The following PGAM5 variants were observed in gnomAD, a reference collection of about 807,000 sequenced individuals.
PGAM5 encodes serine/threonine-protein phosphatase PGAM5, mitochondrial.
Under a neutral mutation model 30.6 loss-of-function variants are expected in PGAM5, and 25 were observed. That is an observed-to-expected ratio of 0.82 (90% CI 0.60 to 1.14). The LOEUF is 1.14. Ranked by LOEUF, PGAM5 falls within the 50% of genes most tolerant of loss-of-function variation. The pLI, the probability that PGAM5 is intolerant of heterozygous loss-of-function variation, is 0.00. For missense variants in PGAM5, 384 were observed against 408.5 expected (o/e 0.94, Z 0.52); for synonymous variants, 201 against 179.1 (o/e 1.12, Z -0.98).
chr12:132,719,838 G>A (rs546672563), intron 5 of PGAM5, among the ~76,000 whole-genome samples: 3 of 152,252 alleles, frequency 2.0e-5, no homozygotes, highest in Non-Finnish European at 2.9e-5. Context: ...AGGCAACTCC[G>A]AGCTTTTCCG....
At position 132,720,736 on chromosome 12, in the gene PGAM5, A is replaced by C. The variant is rs1593123249; in HGVS notation, c.778A>C (p.Thr260Pro). 6.5e-7 allele frequency: 1 copy of C among 1,535,920 alleles called. No homozygotes were observed. The highest frequency in any genetic ancestry group is 1.2e-5 in the South Asian group (1 of 84,034). ...GCTCTCCCTCAATAATGGCAGCATC[A>C]CCCACCTGGTGATCCGACCCAACGG... ...LRLSLNNGSITHLVIRPNGRV... is the reference protein window; with the variant it reads ...LRLSLNNGSIPHLVIRPNGRV... Residue 260 changes from threonine to proline, a missense_variant, in exon 6 of 6, where the codon ACC becomes CCC. Thr to Pro is a conservative substitution (Grantham distance 38). Coordinates refer to ENST00000498926, the MANE Select transcript of PGAM5 (RefSeq NM_001170543.2).
At chr12:132,718,782 C>T in intron 5 of PGAM5, 1 of 1,613,612 alleles carries the variant, frequency 6.2e-7, no homozygotes, top group African/African-American at 1.3e-5. Flanking sequence ...CTGTTGTCCG[C>T]TGGGGATTTT....
chr12:132,715,174 C>A (rs1486792079), intron 2 of PGAM5, 138 bp downstream of exon 2: 3 of 821,244 alleles, frequency 3.7e-6, no homozygotes, highest in Non-Finnish European at 5.6e-6. Flanking sequence ...GTGCTTGGGG[C>A]ACTGGGCCTC....
chr12:132,720,326 T>C (rs74431281), intron 5 of PGAM5, among the ~76,000 whole-genome samples: 1 of 146,768 alleles, frequency 6.8e-6, no homozygotes, highest in Non-Finnish European at 1.5e-5. Flanking sequence ...TTTTTTTTTT[T>C]AGACAGAATC....
At chr12:132,714,302 C>A (rs2043551062) in intron 1 of PGAM5, among the ~76,000 whole-genome samples, 2 of 152,214 alleles carry the variant, frequency 1.3e-5, no homozygotes, top group Non-Finnish European at 1.5e-5. Context: ...CACGTGTGAG[C>A]CACTGCACCC....
chr12:132,713,937 G>A (rs2043547752), intron 1 of PGAM5, among the ~76,000 whole-genome samples: 2 of 152,158 alleles, frequency 1.3e-5, no homozygotes, highest in Non-Finnish European at 2.9e-5. Flanking sequence ...CCAAAGTGCT[G>A]GGATCCACTC....
In PGAM5 at chr12:132,714,905, C is replaced by G. The variant is rs2043557721; in HGVS notation, c.239C>G (p.Ser80Cys). ...LINVRKRNVE[S>C]GEEELASKLD... ...AACGTGCGGAAGAGGAACGTGGAATCTGGGGAAGAAGAGCTGGCGTCCAAG... is the reference window on the plus strand; with the variant it reads ...AACGTGCGGAAGAGGAACGTGGAATGTGGGGAAGAAGAGCTGGCGTCCAAG... Residue 80 changes from serine (S) to cysteine (C), a missense_variant, in exon 2 of 6, where the codon TCT becomes TGT. Physicochemically the swap from Ser to Cys is moderately radical, Grantham distance 112. Transcript: ENST00000498926. The G allele has an allele frequency of 1.2e-6, 2 of 1,613,634 alleles. No homozygotes were observed. The highest frequency in any genetic ancestry group is 2.7e-5 in the African/African-American group (2 of 74,926).
intron 5 of PGAM5, among the ~76,000 whole-genome samples, chr12:132,720,313 G>GT (rs758552620): frequency 0.099 from 13,675 of 138,768 alleles, 943 homozygotes; most frequent in African/African-American, 0.19. Context: ...AGCCCAGCCC[G>GT]TTTTTTTTTT....
At chr12:132,716,158 C>T (rs1403887657) in intron 2 of PGAM5, among the ~76,000 whole-genome samples, 1 of 151,834 alleles carries the variant, frequency 6.6e-6, no homozygotes, top group Non-Finnish European at 1.5e-5. Context: ...TGATCTTGGC[C>T]CGCTGCAACC....
At chr12:132,711,680 G>A (rs2043524173) in intron 1 of PGAM5, 1 of 152,030 alleles carries the variant, frequency 6.6e-6, no homozygotes, top group African/African-American at 2.4e-5. Context: ...CAGCTACTCG[G>A]GAGGCTGAGG....
In PGAM5 at chr12:132,720,851, C is replaced by T; in HGVS notation, c.*23C>T. On this transcript the variant is annotated 3_prime_UTR_variant, in exon 6 of 6. Transcript: ENST00000498926. ...TGAGGGCTCCGGCCTCTCCTTCCCT[C>T]TGTCCTCCCTGCACAGGCCGCACAC... is the stretch of plus-strand genomic sequence containing the variant. 7 of 1,533,856 alleles carry T rather than the reference C, an allele frequency of 4.6e-6. No homozygotes were observed. The highest frequency in any genetic ancestry group is 2.4e-5 in the South Asian group (2 of 83,792).
At chr12:132,711,159 C>A in intron 1 of PGAM5, 92 bp downstream of exon 1, 5 of 984,188 alleles carry the variant, frequency 5.1e-6, no homozygotes, top group Non-Finnish European at 6.4e-6. Context: ...TTTAAGGTTG[C>A]GATCGGGTCG....
intron 5 of PGAM5, chr12:132,719,313 C>CAGG: frequency 1.0e-6 from 1 of 973,000 alleles, no homozygotes. Flanking sequence ...GGTCTCTGCC[C>CAGG]GTCTGTCACC....
chr12:132,715,643 C>A (rs1434911128), intron 2 of PGAM5, among the ~76,000 whole-genome samples: 1 of 150,780 alleles, frequency 6.6e-6, no homozygotes, highest in African/African-American at 2.4e-5. Context: ...CTTTGGGAGG[C>A]CGAGGCAGGT....
At chr12:132,717,952 A>T in intron 4 of PGAM5, 35 bp from the exon 5 acceptor site, 3 of 1,610,678 alleles carry the variant, frequency 1.9e-6, no homozygotes, top group Non-Finnish European at 2.5e-6. Context: ...CTGCCCGAGC[A>T]CTTCCGCACT....
intron 5 of PGAM5, among the ~76,000 whole-genome samples, chr12:132,719,410 T>C (rs567639064): frequency 3.1e-4 from 47 of 152,266 alleles, no homozygotes; most frequent in African/African-American, 1.0e-3. Context: ...CGGGCCGAGA[T>C]TCTCAAGCTT....
At chr12:132,711,598 A>G (rs1297975149) in intron 1 of PGAM5, 1 of 152,096 alleles carries the variant, frequency 6.6e-6, no homozygotes, top group African/African-American at 2.4e-5. Context: ...CCTGGGCAAC[A>G]TAGTGAGACC....
At chr12:132,719,837 C>T (rs986285469) in intron 5 of PGAM5, among the ~76,000 whole-genome samples, 6 of 152,198 alleles carry the variant, frequency 3.9e-5, no homozygotes, top group African/African-American at 1.2e-4. Flanking sequence ...AAGGCAACTC[C>T]GAGCTTTTCC....
chr12:132,711,336 C>T (rs2043520269), intron 1 of PGAM5: 1 of 246,656 alleles, frequency 4.1e-6, no homozygotes, highest in African/African-American at 2.3e-5. Context: ...TGGGTGCCAT[C>T]GCCGGAGCGC....
Sources: gnomAD v4.1 joint callset for allele counts (sites outside exome capture counted in the v4.1 genomes callset) on GRCh38, gnomAD v4.1.1 for gene constraint, MANE v1.5 for transcripts, NCBI Gene and HGNC (gene_info 2026-07-23, HGNC 2026-07-21) for gene names.